IL1RAPL2: variants seen among roughly 807,000 people sequenced by gnomAD.
IL1RAPL2 encodes interleukin 1 receptor accessory protein like 2.
IL1RAPL2 carries 3 observed loss-of-function variants against 44.1 expected under a neutral mutation model. The ratio of observed to expected loss-of-function variants is 0.07; its 90% CI spans 0.03 to 0.18. The LOEUF is 0.18. Ranked by LOEUF, IL1RAPL2 falls within the 10% of genes least tolerant of loss-of-function variation. IL1RAPL2 has a pLI of 1.00. For missense variants in IL1RAPL2, 391 were observed against 496.4 expected (o/e 0.79, Z 2.02); for synonymous variants, 181 against 178.8 (o/e 1.01, Z -0.10).
At chrX:104,668,487 G>A (rs922823150) in intron 2 of IL1RAPL2, among the ~76,000 whole-genome samples, 5 of 48,771 alleles carry the variant, frequency 1.0e-4, no homozygotes, top group East Asian at 6.3e-4. Flanking sequence ...TCCCCCCACC[G>A]CACAACAGTC....
chrX:105,443,362 C>CT (rs1456153918), intron 5 of IL1RAPL2, among the ~76,000 whole-genome samples: 1 of 111,018 alleles, frequency 9.0e-6, no homozygotes, highest in African/African-American at 3.3e-5. Flanking sequence ...TCCAGTTATA[C>CT]TTTTTTTAGT....
At chrX:104,906,084 C>G (rs1222704293) in intron 2 of IL1RAPL2, among the ~76,000 whole-genome samples, 4 of 109,190 alleles carry the variant, frequency 3.7e-5, no homozygotes, top group African/African-American at 1.3e-4. Flanking sequence ...TGGGAGTTCA[C>G]TCATGATTTG....
At chrX:105,150,664 T>C (rs1174548220) in intron 2 of IL1RAPL2, among the ~76,000 whole-genome samples, 4 of 111,842 alleles carry the variant, frequency 3.6e-5, no homozygotes, top group Non-Finnish European at 7.5e-5. Flanking sequence ...GCACTTCTCT[T>C]GTTGGTTGGT....
intron 2 of IL1RAPL2, among the ~76,000 whole-genome samples, chrX:104,818,741 T>C (rs1212982874): frequency 5.4e-5 from 6 of 110,788 alleles, no homozygotes; most frequent in African/African-American, 2.0e-4. Flanking sequence ...CCTGGATGAG[T>C]CATCAAGGAA....
At chrX:105,766,797 GTT>G (rs200757081) in intron 10 of IL1RAPL2, among the ~76,000 whole-genome samples, 165 bp from the exon 11 acceptor site, 12,493 of 101,020 alleles carry the variant, frequency 0.12, 1,816 homozygotes, top group African/African-American at 0.41. Flanking sequence ...ATTATAAGCA[GTT>G]TTTTTTTTTT....
In IL1RAPL2 at chrX:105,525,286, C is replaced by A. The variant is rs2036588328; in HGVS notation, c.772+40899C>A. Among the ~76,000 whole-genome samples, 6 of 111,078 alleles carry A rather than the reference C, an allele frequency of 5.4e-5. No individual in the cohort carries two copies. The Admixed American group carries it at 5.7e-4, about 11-fold the overall frequency. On this transcript the variant is annotated intron_variant, in intron 6 of 10. Coordinates refer to ENST00000372582, the MANE Select transcript of IL1RAPL2 (RefSeq NM_017416.2). ...TGAAGGATCAAAGGTAAAAATAGTT[C>A]ATTTCAAAATATGTTGTTTTTCAGA... is the stretch of plus-strand genomic sequence containing the variant.
intron 5 of IL1RAPL2, among the ~76,000 whole-genome samples, chrX:105,368,237 C>G (rs1486117911): frequency 1.8e-5 from 2 of 111,277 alleles, no homozygotes; most frequent in East Asian, 5.7e-4. Flanking sequence ...CTTGGTTTCT[C>G]TCTCTTGCAT....
intron 2 of IL1RAPL2, among the ~76,000 whole-genome samples, chrX:104,905,967 T>C (rs1181425668): frequency 9.1e-6 from 1 of 110,008 alleles, no homozygotes; most frequent in African/African-American, 3.3e-5. Context: ...GTTTGTATCC[T>C]CTTTTATTTC....
intron 5 of IL1RAPL2, among the ~76,000 whole-genome samples, chrX:105,400,488 G>T: frequency 9.0e-6 from 1 of 110,915 alleles, no homozygotes; most frequent in East Asian, 2.8e-4. Context: ...TTTGTTTTCT[G>T]AATCCCTCTT....
intron 2 of IL1RAPL2, among the ~76,000 whole-genome samples, chrX:105,016,243 A>G (rs2031172672): frequency 1.8e-5 from 2 of 111,636 alleles, no homozygotes; most frequent in African/African-American, 6.5e-5. Flanking sequence ...TAAATATGCA[A>G]TCATGTTATC....
intron 3 of IL1RAPL2, among the ~76,000 whole-genome samples, chrX:105,202,538 ATT>A (rs1200693863): frequency 8.9e-6 from 1 of 112,068 alleles, no homozygotes; most frequent in African/African-American, 3.2e-5. Context: ...CATTTCATGC[ATT>A]CTACTCTATT....
chrX:105,316,593 A>G (rs1186402582), intron 5 of IL1RAPL2, among the ~76,000 whole-genome samples: 1 of 112,276 alleles, frequency 8.9e-6, no homozygotes, highest in Non-Finnish European at 1.9e-5. Flanking sequence ...CTACTCTCCC[A>G]TGTAACATGA....
chrX:104,616,553 C>A (rs1199365403), intron 1 of IL1RAPL2, among the ~76,000 whole-genome samples: 1 of 111,885 alleles, frequency 8.9e-6, no homozygotes, highest in Non-Finnish European at 1.9e-5. Context: ...AGTTTCTGAC[C>A]CTTCCTAAAC....
In IL1RAPL2 at chrX:104,681,759, A is replaced by T. The variant is rs746828795; in HGVS notation, c.82+22764A>T. 3.5e-5 allele frequency among the ~76,000 whole-genome samples: 4 copies of T among 112,844 alleles called. No individual in the cohort carries two copies. In the East Asian group the frequency reaches 1.1e-3, roughly 31 times the overall value. The stretch of plus-strand genomic sequence containing the variant: ...CTAAGTTTCCACCCTTGGGCTTAAA[A>T]TTCCACTTCTGTGATACACCAAGGC... On this transcript the variant is annotated intron_variant, in intron 2 of 10. Coordinates refer to ENST00000372582, the MANE Select transcript of IL1RAPL2 (RefSeq NM_017416.2).
At chrX:105,271,267 A>T (rs1342999197) in intron 5 of IL1RAPL2, among the ~76,000 whole-genome samples, 1 of 112,019 alleles carries the variant, frequency 8.9e-6, no homozygotes, top group Admixed American at 9.5e-5. Flanking sequence ...ATTATTGTGG[A>T]AATTTCTTTT....
chrX:105,193,633 G>A (rs2033650858), intron 2 of IL1RAPL2, among the ~76,000 whole-genome samples: 1 of 111,558 alleles, frequency 9.0e-6, no homozygotes, highest in African/African-American at 3.3e-5. Context: ...TGAAAGTTTT[G>A]CAGTGACAAA....
chrX:104,640,463 TA>T (rs1929911263), intron 1 of IL1RAPL2, among the ~76,000 whole-genome samples: 1 of 112,040 alleles, frequency 8.9e-6, no homozygotes, highest in Non-Finnish European at 1.9e-5. Flanking sequence ...TATCATTATT[TA>T]AAATTATTTT....
chrX:105,120,408 T>G (rs1037011477), intron 2 of IL1RAPL2, among the ~76,000 whole-genome samples: 1 of 110,715 alleles, frequency 9.0e-6, no homozygotes, highest in Non-Finnish European at 1.9e-5. Context: ...TACCCAATTG[T>G]CTCTTTGCCT....
Position 105,379,749 on chromosome X carries a change from T to C in IL1RAPL2, c.698-104564T>C, listed in dbSNP as rs776641456. 2.7e-4 allele frequency among the ~76,000 whole-genome samples: 30 copies of C among 111,713 alleles called. No homozygotes were observed. The East Asian group carries it at 8.2e-3, about 31-fold the overall frequency. On this transcript the variant is annotated intron_variant, in intron 5 of 10. Coordinates refer to ENST00000372582, the MANE Select transcript of IL1RAPL2 (RefSeq NM_017416.2). ...CTACTCCATGAGATGGCTGTAAGAT[T>C]AAAATAAGATTGTGTATTTAAAGCA...
Sources: allele counts gnomAD v4.1 joint callset (sites outside exome capture counted in the v4.1 genomes callset), GRCh38; gene constraint gnomAD v4.1.1; transcripts MANE v1.5; gene names NCBI Gene and HGNC (gene_info 2026-07-23, HGNC 2026-07-21).